TMEM135: variants seen among roughly 807,000 people sequenced by gnomAD.
The protein encoded by TMEM135 is transmembrane protein 135.
In TMEM135, 30 loss-of-function variants were observed where a neutral mutation model predicts 60.3. The ratio of observed to expected loss-of-function variants is 0.50; its 90% CI spans 0.37 to 0.68. TMEM135 has a LOEUF of 0.68. Ranked by LOEUF, TMEM135 falls within the 30% of genes least tolerant of loss-of-function variation. TMEM135 has a pLI of 0.00. For synonymous variants in TMEM135, 190 were observed against 186.7 expected (o/e 1.02, Z -0.14); for missense variants, 468 against 548.8 (o/e 0.85, Z 1.47).
At chr11:87,090,510 A>T (rs1260490989) in intron 3 of TMEM135, among the ~76,000 whole-genome samples, 3 of 152,130 alleles carry the variant, frequency 2.0e-5, no homozygotes, top group Admixed American at 2.0e-4. Flanking sequence ...TGACATTGGT[A>T]CTTTTTATAT....
rs1417390019 is a variant in TMEM135, at chr11:87,328,272, T to C, written c.*6939T>C. 1 of 454,148 alleles carries C rather than the reference T, an allele frequency of 2.2e-6. No homozygotes were observed. Among genetic ancestry groups the C allele is most frequent in the South Asian group, 1.6e-5 (1 of 64,476 alleles). The allele number at this position is 454,148 out of a possible 1,614,324, so 28.1% of individuals were successfully genotyped here. ...CACTCTTCTGTGTATGCTAAAATAC[T>C]GTCAATCTCGTCTTTGAAGGTTTTG... On this transcript the variant is annotated 3_prime_UTR_variant, in exon 15 of 15. Coordinates refer to ENST00000305494, the MANE Select transcript of TMEM135 (RefSeq NM_022918.4).
intron 1 of TMEM135, among the ~76,000 whole-genome samples, chr11:87,043,200 C>T (rs1048054102): frequency 3.3e-5 from 5 of 151,886 alleles, no homozygotes; most frequent in African/African-American, 1.2e-4. Context: ...GGTGATCCAC[C>T]TGCCTCAGCC....
At chr11:87,168,575 A>G (rs114991195) in intron 5 of TMEM135, among the ~76,000 whole-genome samples, 1,636 of 152,178 alleles carry the variant, frequency 0.011, 26 homozygotes, top group African/African-American at 0.038. Flanking sequence ...GAGTAGTCAT[A>G]CAGGAGCAGG....
chr11:87,165,787 T>A (rs1347077436), intron 5 of TMEM135, among the ~76,000 whole-genome samples: 1 of 150,268 alleles, frequency 6.7e-6, no homozygotes, highest in African/African-American at 2.5e-5. Flanking sequence ...CTTCAAAAAG[T>A]AAATGAATCC....
intron 6 of TMEM135, among the ~76,000 whole-genome samples, chr11:87,248,517 T>C (rs1434689800): frequency 6.6e-6 from 1 of 152,218 alleles, no homozygotes; most frequent in African/African-American, 2.4e-5. Context: ...AGAAGTAGTG[T>C]AATTGTAGTG....
intron 6 of TMEM135, among the ~76,000 whole-genome samples, chr11:87,247,252 G>T (rs1297768791): frequency 6.6e-6 from 1 of 152,196 alleles, no homozygotes; most frequent in Non-Finnish European, 1.5e-5. Context: ...TGAGGTGTCG[G>T]TCTGCCCCTA....
Position 87,256,493 on chromosome 11 carries a change from A to G in TMEM135, c.509+19809A>G, listed in dbSNP as rs558825374. 8.5e-5 allele frequency among the ~76,000 whole-genome samples: 13 copies of G among 152,274 alleles called. No individual in the cohort carries two copies. In the South Asian group the frequency reaches 2.7e-3, roughly 32 times the overall value. Reference sequence around the variant, plus strand: ...TGTAATATGTAGTATGATTCCTCAAAATATTTTTTAATTTGGGAATTTATG... The same window carrying G: ...TGTAATATGTAGTATGATTCCTCAAGATATTTTTTAATTTGGGAATTTATG... On this transcript the variant is annotated intron_variant, in intron 6 of 14. Coordinates refer to ENST00000305494, the MANE Select transcript of TMEM135 (RefSeq NM_022918.4).
chr11:87,140,894 C>T lies in TMEM135; in HGVS notation c.397-16447C>T, dbSNP rs551255754. Among the ~76,000 whole-genome samples, 3 of 152,196 alleles carry T rather than the reference C, an allele frequency of 2.0e-5. No individual in the cohort carries two copies. The East Asian group carries it at 5.8e-4, about 29-fold the overall frequency. On this transcript the variant is annotated intron_variant, in intron 4 of 14. Coordinates refer to ENST00000305494, the MANE Select transcript of TMEM135 (RefSeq NM_022918.4). ...GTTAGTTGAAGAACCTATTGATTCT[C>T]CATTGAATTATATTGATATCTTTGT...
intron 3 of TMEM135, 81 bp downstream of exon 3, chr11:87,071,696 C>T (rs2135142261): frequency 2.2e-6 from 2 of 915,762 alleles, no homozygotes; most frequent in African/African-American, 1.7e-5. Flanking sequence ...TTAATTATCA[C>T]TTACAGGGAT....
intron 3 of TMEM135, among the ~76,000 whole-genome samples, chr11:87,084,331 CAG>C (rs1379613276): frequency 2.0e-5 from 3 of 148,300 alleles, no homozygotes; most frequent in Non-Finnish European, 3.0e-5. Flanking sequence ...TTTTTTGAGA[CAG>C]AGTTTCACTT....
At chr11:87,272,110 G>C (rs1443628382) in intron 6 of TMEM135, among the ~76,000 whole-genome samples, 1 of 141,222 alleles carries the variant, frequency 7.1e-6, no homozygotes, top group Non-Finnish European at 1.5e-5. Flanking sequence ...CTGGAGTGCA[G>C]AGGTGAGATA....
At chr11:87,318,328 C>A in intron 13 of TMEM135, 93 bp downstream of exon 13, 1 of 928,502 alleles carries the variant, frequency 1.1e-6, no homozygotes, top group Non-Finnish European at 1.7e-6. Flanking sequence ...GGGAACATTT[C>A]TATTTACAGT....
intron 4 of TMEM135, among the ~76,000 whole-genome samples, chr11:87,108,090 C>T (rs1344630073): frequency 2.0e-5 from 3 of 152,118 alleles, no homozygotes; most frequent in African/African-American, 7.2e-5. Context: ...ATATCCTTTG[C>T]CCACTTGTTG....
At chr11:87,178,273 C>T (rs988015662) in intron 5 of TMEM135, among the ~76,000 whole-genome samples, 3 of 152,078 alleles carry the variant, frequency 2.0e-5, no homozygotes, top group Non-Finnish European at 4.4e-5. Context: ...GTACTGTCAC[C>T]TTGAAATTCC....
intron 5 of TMEM135, among the ~76,000 whole-genome samples, chr11:87,162,160 A>G (rs532845811): frequency 4.4e-4 from 67 of 152,298 alleles, no homozygotes; most frequent in Non-Finnish European, 8.2e-4. Context: ...GTGGGGTTCA[A>G]TTAATTCAGA....
intron 5 of TMEM135, among the ~76,000 whole-genome samples, chr11:87,178,210 G>T (rs899631991): frequency 6.6e-6 from 1 of 151,896 alleles, no homozygotes; most frequent in Non-Finnish European, 1.5e-5. Flanking sequence ...TTGGTGACCA[G>T]TCCCTAGCTG....
intron 4 of TMEM135, among the ~76,000 whole-genome samples, chr11:87,131,082 T>G (rs1010711145): frequency 8.5e-5 from 13 of 152,134 alleles, no homozygotes; most frequent in African/African-American, 2.2e-4. Flanking sequence ...TTAAACCAGT[T>G]TTTGCTTTAT....
intron 6 of TMEM135, among the ~76,000 whole-genome samples, chr11:87,274,905 T>C (rs1001147051): frequency 6.6e-6 from 1 of 150,442 alleles, no homozygotes; most frequent in South Asian, 2.1e-4. Context: ...AAGATGATTA[T>C]TAAGTTAACT....
At chr11:87,059,137 A>G (rs1040447346) in intron 1 of TMEM135, among the ~76,000 whole-genome samples, 1 of 151,366 alleles carries the variant, frequency 6.6e-6, no homozygotes, top group Non-Finnish European at 1.5e-5. Context: ...GGGCTTCACC[A>G]TGTTGGGCAG....
Sources: allele counts gnomAD v4.1 joint callset (sites outside exome capture counted in the v4.1 genomes callset), GRCh38; gene constraint gnomAD v4.1.1; transcripts MANE v1.5; gene names NCBI Gene and HGNC (gene_info 2026-07-23, HGNC 2026-07-21).